The following TMEM143 variants were observed in gnomAD, a reference collection of about 807,000 sequenced individuals.
TMEM143 encodes the protein transmembrane protein 143.
Under a neutral mutation model 40.3 loss-of-function variants are expected in TMEM143, and 45 were observed. The ratio of observed to expected loss-of-function variants is 1.12; its 90% confidence interval spans 0.88 to 1.43. The LOEUF (loss-of-function observed/expected upper bound fraction) is 1.43, where lower values mean the gene tolerates loss of function less well. Among genes scored for constraint, TMEM143 ranks in the 40% most tolerant of loss-of-function variants. The probability of loss-of-function intolerance (pLI) is 0.00; values close to 1 mark genes in which losing one functional copy is unlikely to be tolerated. For missense variants in TMEM143, 620 were observed against 613.4 expected, an observed-to-expected ratio of 1.01 and a Z score of -0.11; for synonymous variants, 299 against 282.7, an observed-to-expected ratio of 1.06 and a Z score of -0.58.
At chr19:48,358,115 G>A (rs1251925955) in intron 3 of TMEM143, among the ~76,000 whole-genome samples, 2 of 152,266 alleles carry the variant, frequency 1.3e-5, no homozygotes, top group Non-Finnish European at 2.9e-5. Flanking sequence ...GCCAGGCACG[G>A]TGGCTCACGT....
At chr19:48,342,157 AGGGAGGGAGGGGAAG>A (rs1222412433) in intron 6 of TMEM143, among the ~76,000 whole-genome samples, 1 of 54,950 alleles carries the variant, frequency 1.8e-5, no homozygotes, top group Non-Finnish European at 3.3e-5. Context: ...GAAGGAAGGG[AGGGAGGGAGGGGAAG>A]GGGAGGGGAG....
At chr19:48,362,499 G>C (rs978259065) in intron 2 of TMEM143, among the ~76,000 whole-genome samples, 5 of 151,918 alleles carry the variant, frequency 3.3e-5, no homozygotes, top group African/African-American at 1.2e-4. Flanking sequence ...ACTCCAGTCT[G>C]GGCAACAGAG....
At position 48,342,519 on chromosome 19, in the gene TMEM143, C is replaced by T. The variant is rs777589978; in HGVS notation, c.975+11G>A. On this transcript the variant is annotated intron_variant, in intron 6 of 7. Transcript: ENST00000293261. ...GCAGGGCCGCAGGAGGCGTGGCAGG[C>T]GCATGCTCACCTTGGAGGCCCGCAG... 1.3e-5 allele frequency: 20 copies of T among 1,592,890 alleles called. No individual in the cohort carries two copies. The highest frequency in any genetic ancestry group is 1.7e-4 in the Middle Eastern group (1 of 5,918).
chr19:48,332,499 A>G lies in TMEM143; in HGVS notation c.*720T>C, dbSNP rs1969234748. ...AAAGGGTGAAAGACCTGGGCGAGGA[A>G]GGCACCTGAGGTTGCCGGGAGCCAG... On this transcript the variant is annotated 3_prime_UTR_variant, in exon 8 of 8. Transcript: ENST00000293261. 1.3e-5 allele frequency: 2 copies of G among 152,050 alleles called. No individual in the cohort carries two copies. The highest frequency in any genetic ancestry group is 2.9e-5 in the Non-Finnish European group (2 of 68,002). The allele number at this position is 152,050 out of a possible 1,614,324, so 9.4% of individuals were successfully genotyped here.
At chr19:48,356,429 CTTTT>C (rs34945058) in intron 3 of TMEM143, among the ~76,000 whole-genome samples, 52 of 118,506 alleles carry the variant, frequency 4.4e-4, no homozygotes, top group African/African-American at 1.6e-3. Context: ...CCCGGCCCTC[CTTTT>C]TTTTTTTTTT....
intron 3 of TMEM143, among the ~76,000 whole-genome samples, chr19:48,349,906 G>A (rs1969725768): frequency 6.6e-6 from 1 of 151,848 alleles, no homozygotes; most frequent in Non-Finnish European, 1.5e-5. Context: ...GGTGGCTACT[G>A]AGCACCTGAA....
In TMEM143 at chr19:48,353,678, G is replaced by A. The variant is rs978569630; in HGVS notation, c.369+6394C>T. Among the ~76,000 whole-genome samples, 6 of 151,606 alleles carry A rather than the reference G, an allele frequency of 4.0e-5. No individual in the cohort carries two copies. In the East Asian group the frequency reaches 1.2e-3, roughly 29 times the overall value. Reference sequence around the variant, plus strand: ...GGAACCTCAGAATATGATCTCATTCGGAAATAGGGTCTTTGCAGGTAGAAT... The same window carrying A: ...GGAACCTCAGAATATGATCTCATTCAGAAATAGGGTCTTTGCAGGTAGAAT... On this transcript the variant is annotated intron_variant, in intron 3 of 7. Transcript: ENST00000293261.
chr19:48,334,460 TTCTTTC>T (rs1466459353), intron 6 of TMEM143, among the ~76,000 whole-genome samples: 1 of 45,846 alleles, frequency 2.2e-5, no homozygotes, highest in Non-Finnish European at 5.5e-5. Context: ...CTTTCTTTCT[TTCTTTC>T]TTTCTTTCTT....
intron 6 of TMEM143, among the ~76,000 whole-genome samples, chr19:48,335,179 T>C (rs1286109064): frequency 1.3e-5 from 2 of 152,240 alleles, no homozygotes; most frequent in African/African-American, 2.4e-5. Context: ...TCTGATTAAC[T>C]ATTGCTAATT....
Position 48,363,415 on chromosome 19 carries a change from A to G in TMEM143, c.140T>C (p.Leu47Pro). 1.2e-6 allele frequency: 2 copies of G among 1,614,108 alleles called. No homozygotes were observed. Among genetic ancestry groups the G allele is most frequent in the Non-Finnish European group, 1.7e-6 (2 of 1,180,014 alleles). ...LLGPPRALSSLAAKMGEYRKM... is the reference protein window; with the variant it reads ...LLGPPRALSSPAAKMGEYRKM... ...GCGATACTCCCCCATTTTGGCTGCC[A>G]GCGATGAGAGGGCCCGGGGGGGCCC... is the stretch of plus-strand genomic sequence containing the variant. The change falls in exon 2 of 8, where the codon CTG becomes CCG. Residue 47 changes from leucine (L) to proline (P), a missense_variant. Physicochemically the swap from Leu to Pro is moderately conservative, Grantham distance 98. Transcript: ENST00000293261.
intron 3 of TMEM143, among the ~76,000 whole-genome samples, chr19:48,351,886 T>C (rs954197977): frequency 1.3e-5 from 2 of 152,058 alleles, no homozygotes; most frequent in Non-Finnish European, 2.9e-5. Context: ...TTGGTATCCA[T>C]AGGACATCAG....
At chr19:48,356,841 G>A (rs1441404733) in intron 3 of TMEM143, among the ~76,000 whole-genome samples, 5 of 145,712 alleles carry the variant, frequency 3.4e-5, no homozygotes, top group East Asian at 2.0e-4. Flanking sequence ...TGATCCGCCC[G>A]CCTCGGCCTC....
chr19:48,334,132 C>A lies in TMEM143; in HGVS notation c.1041G>T (p.Thr347=). The change falls in exon 7 of 8, where the codon ACG becomes ACT. Residue 347 remains threonine, a synonymous_variant. Transcript: ENST00000293261. The part of the protein sequence containing the change: ...ELAHMLYYRS[T]SNNSELLSAL... ...CGCTGAGCAGCTCCGAGTTGTTGGA[C>A]GTACTGCGATAGTACAGCATGTGCG... 6.2e-7 allele frequency: 1 copy of A among 1,607,718 alleles called. No homozygotes were observed. The highest frequency in any genetic ancestry group is 8.5e-7 in the Non-Finnish European group (1 of 1,177,624).
In TMEM143 at chr19:48,342,789, AC is replaced by A; in HGVS notation, c.715del (p.Val239SerfsTer13). On this transcript the variant is annotated frameshift_variant, in exon 6 of 8. Transcript: ENST00000293261. LOFTEE classifies it high-confidence loss of function. ...TCCCCGTTTGGTCCGGGCTGCCAGG[AC>A]CACCCGCTTAAAGTATCTCCTGAGG... ...PAERRYFKRV[V>X]LAARTKRGHL... The A allele has an allele frequency of 6.2e-7, 1 of 1,606,722 alleles. No individual in the cohort carries two copies. Among genetic ancestry groups the A allele is most frequent in the Non-Finnish European group, 8.5e-7 (1 of 1,174,136 alleles).
chr19:48,349,997 ATTTTTT>A (rs71181679), intron 3 of TMEM143, among the ~76,000 whole-genome samples: 5 of 109,018 alleles, frequency 4.6e-5, no homozygotes, highest in East Asian at 5.4e-4. Flanking sequence ...TCTACATTTA[ATTTTTT>A]TTTTTTTTTT....
At chr19:48,343,849 GA>G (rs766464867) in intron 4 of TMEM143, among the ~76,000 whole-genome samples, 3 of 152,116 alleles carry the variant, frequency 2.0e-5, no homozygotes, top group Non-Finnish European at 2.9e-5. Flanking sequence ...CTAAAATGTG[GA>G]ATTTGGGGAG....
chr19:48,363,242 C>G, intron 2 of TMEM143, 49 bp downstream of exon 2: 1 of 1,560,998 alleles, frequency 6.4e-7, no homozygotes, highest in South Asian at 1.2e-5. Flanking sequence ...GCCGCGAAGC[C>G]TGCTGGGAGC....
At chr19:48,349,969 A>C (rs1362855770) in intron 3 of TMEM143, among the ~76,000 whole-genome samples, 1 of 151,440 alleles carries the variant, frequency 6.6e-6, no homozygotes, top group East Asian at 1.9e-4. Flanking sequence ...TAGTTATGTT[A>C]AATTTTAACA....
rs756177218 is a variant in TMEM143, at chr19:48,342,697, T to C, written c.808A>G (p.Lys270Glu). The change falls in exon 6 of 8, where the codon AAG (lysine) becomes GAG (glutamate). Residue 270 changes from lysine (K) to glutamate (E), a missense_variant. Coordinates refer to ENST00000293261, the MANE Select transcript of TMEM143 (RefSeq NM_018273.4). ...CGCTGCAGGGTGGGCGTGCGCACCT[T>C]CAGCTCCGGCAGCAGCTGCTCCAGG... ...EGLEQLLPEL[K>E]VRTPTLQRAL... The C allele has an allele frequency of 3.1e-6, 5 of 1,614,136 alleles. No homozygotes were observed. The highest frequency in any genetic ancestry group is 4.2e-6 in the Non-Finnish European group (5 of 1,180,018).
Sources: gnomAD v4.1 joint callset for allele counts (sites outside exome capture counted in the v4.1 genomes callset) on GRCh38, gnomAD v4.1.1 for gene constraint, MANE v1.5 for transcripts, NCBI Gene and HGNC (gene_info 2026-07-23, HGNC 2026-07-21) for gene names.